Variants in GCNT3 observed in about 807,000 individuals in gnomAD.
GCNT3 encodes beta-1,3-galactosyl-O-glycosyl-glycoprotein beta-1,6-N-acetylglucosaminyltransferase 3.
For missense variants in GCNT3, 708 were observed against 530.3 expected, an observed-to-expected ratio of 1.34 and a Z score of -3.29; for synonymous variants, 269 against 195.2, an observed-to-expected ratio of 1.38 and a Z score of -3.15.
intron 1 of GCNT3, among the ~76,000 whole-genome samples, chr15:59,614,457 A>C (rs557363941): frequency 6.6e-6 from 1 of 151,570 alleles, no homozygotes; most frequent in Admixed American, 6.6e-5. Context: ...TAGACATAGC[A>C]GCCCTGAGGG....
In GCNT3 at chr15:59,620,776, T is replaced by C. The variant is rs1410759234; in HGVS notation, c.*1221T>C. Reference sequence around the variant, plus strand: ...TTTTGTAGGGGGAGAGTCTGCACTATTAATAATTGTATTGAGAAATAAAAA... The same window carrying C: ...TTTTGTAGGGGGAGAGTCTGCACTACTAATAATTGTATTGAGAAATAAAAA... On this transcript the variant is annotated 3_prime_UTR_variant, in exon 3 of 3. Transcript: ENST00000396065. 1 of 166,572 alleles carries C rather than the reference T, an allele frequency of 6.0e-6. No homozygotes were observed. Among genetic ancestry groups the C allele is most frequent in the East Asian group, 1.9e-4 (1 of 5,170 alleles). The allele number at this position is 166,572 out of a possible 1,614,324, so 10.3% of individuals were successfully genotyped here.
intron 2 of GCNT3, among the ~76,000 whole-genome samples, chr15:59,617,650 T>C (rs987939452): frequency 9.2e-5 from 14 of 152,244 alleles, no homozygotes; most frequent in African/African-American, 2.7e-4. Flanking sequence ...TTTTAAAAAG[T>C]GTGGCTAGAT....
intron 1 of GCNT3, among the ~76,000 whole-genome samples, chr15:59,615,747 G>A (rs548288161): frequency 7.2e-4 from 109 of 151,564 alleles, no homozygotes; most frequent in Non-Finnish European, 4.4e-4. Flanking sequence ...AATTATCTCC[G>A]CATGGTGGTG....
In GCNT3 at chr15:59,617,176, TTC is replaced by T. The variant is rs1206839075; in HGVS notation, c.-61+297_-61+298del. ...TTTATTTTTCTTTTGTTTTCTTTCTTTCTTTTTTTTTTTTTAAAGGGGCTTCC... is the reference window on the plus strand; with the variant it reads ...TTTATTTTTCTTTTGTTTTCTTTCTTTTTTTTTTTTTTTAAAGGGGCTTCC... On this transcript the variant is annotated intron_variant, in intron 2 of 2. Transcript: ENST00000396065. Among the ~76,000 whole-genome samples, 5 of 143,532 alleles carry T rather than the reference TTC, an allele frequency of 3.5e-5. 1 individual carries two copies. Among genetic ancestry groups the T allele is most frequent in the Admixed American group, 1.4e-4 (2 of 14,438 alleles). 94.2% of individuals were successfully genotyped at this position (143,532 alleles called of 152,430 possible). A position where few individuals can be genotyped will look rare whatever the true frequency, so the allele number is the denominator to read the frequency against.
At chr15:59,617,551 A>C (rs2082725561) in intron 2 of GCNT3, among the ~76,000 whole-genome samples, 1 of 152,216 alleles carries the variant, frequency 6.6e-6, no homozygotes. Context: ...GCTTGTGTGC[A>C]AGTATATTTT....
In GCNT3 at chr15:59,622,139, C is replaced by T. The variant is rs1261702693; in HGVS notation, c.*2584C>T. 6.6e-6 allele frequency: 1 copy of T among 151,418 alleles called. No homozygotes were observed. The highest frequency in any genetic ancestry group is 1.5e-5 in the Non-Finnish European group (1 of 67,868). 9.4% of individuals were successfully genotyped at this position (151,418 alleles called of 1,614,324 possible). On this transcript the variant is annotated 3_prime_UTR_variant, in exon 3 of 3. Coordinates refer to ENST00000396065, the MANE Select transcript of GCNT3 (RefSeq NM_004751.3). The stretch of plus-strand genomic sequence containing the variant: ...ATCAGCCTGGCCAACATGGTGAATC[C>T]CCATCTCTACTAAAAATATAAAAAT...
rs1489883992 is a variant in GCNT3 at position 59,616,859 on chromosome 15, A to T, written c.-83A>T. ...CACGCCTTGTGAAGAGATCATCCCT[A>T]AGCAGGAGAGAAGCTACTAAAGGTG... On this transcript the variant is annotated 5_prime_UTR_variant, in exon 2 of 3. Coordinates refer to ENST00000396065, the MANE Select transcript of GCNT3 (RefSeq NM_004751.3). 1 of 152,276 alleles carries T rather than the reference A, an allele frequency of 6.6e-6. No homozygotes were observed. The highest frequency in any genetic ancestry group is 1.9e-4 in the East Asian group (1 of 5,186). 9.4% of individuals were successfully genotyped at this position (152,276 alleles called of 1,614,324 possible). A position where few individuals can be genotyped will look rare whatever the true frequency, so the allele number is the denominator to read the frequency against.
In GCNT3 at chr15:59,621,244, C is replaced by T. The variant is rs1890925141; in HGVS notation, c.*1689C>T. The T allele has an allele frequency of 6.6e-6, 1 of 152,022 alleles. No individual in the cohort carries two copies. The highest frequency in any genetic ancestry group is 6.6e-5 in the Admixed American group (1 of 15,252). 9.4% of individuals were successfully genotyped at this position (152,022 alleles called of 1,614,324 possible). Reference sequence around the variant, plus strand: ...AATGGAAGGATCGCTATTAGTGATTCTGCAGATTACACATTTCCTTGCGGG... The same window carrying T: ...AATGGAAGGATCGCTATTAGTGATTTTGCAGATTACACATTTCCTTGCGGG... On this transcript the variant is annotated 3_prime_UTR_variant, in exon 3 of 3. Transcript: ENST00000396065.
At chr15:59,616,389 G>C (rs1396134002) in intron 1 of GCNT3, 3 of 152,182 alleles carry the variant, frequency 2.0e-5, no homozygotes, top group African/African-American at 7.2e-5. Flanking sequence ...AACAAAAGAA[G>C]GGAGGGGCAT....
In GCNT3 at chr15:59,622,156, T is replaced by C. The variant is rs183559603; in HGVS notation, c.*2601T>C. 2.0e-5 allele frequency: 3 copies of C among 151,646 alleles called. No individual in the cohort carries two copies. Among genetic ancestry groups the C allele is most frequent in the African/African-American group, 7.2e-5 (3 of 41,380 alleles). 9.4% of individuals were successfully genotyped at this position (151,646 alleles called of 1,614,324 possible). On this transcript the variant is annotated 3_prime_UTR_variant, in exon 3 of 3. Transcript: ENST00000396065. ...GGTGAATCCCCATCTCTACTAAAAA[T>C]ATAAAAATTAGCCAGACATGGTGGT... is the stretch of plus-strand genomic sequence containing the variant.
Position 59,619,478 on chromosome 15 carries a change from C to G in GCNT3, c.1240C>G (p.Pro414Ala). The part of the protein sequence containing the change: ...NHHLLANKFD[P>A]KVDDNALQCL... ...TCACCTGTTGGCCAACAAGTTTGACCCAAAGGTAGATGATAATGCTCTTCA... is the reference window on the plus strand; with the variant it reads ...TCACCTGTTGGCCAACAAGTTTGACGCAAAGGTAGATGATAATGCTCTTCA... Residue 414 changes from proline to alanine, a missense_variant, in exon 3 of 3, where the codon CCA (proline) becomes GCA (alanine). Coordinates refer to ENST00000396065, the MANE Select transcript of GCNT3 (RefSeq NM_004751.3). The G allele has an allele frequency of 1.2e-6, 2 of 1,613,948 alleles. No homozygotes were observed. Among genetic ancestry groups the G allele is most frequent in the Non-Finnish European group, 1.7e-6 (2 of 1,179,926 alleles).
At chr15:59,613,157 G>A (rs1044897322) in intron 1 of GCNT3, among the ~76,000 whole-genome samples, 3 of 151,946 alleles carry the variant, frequency 2.0e-5, no homozygotes, top group Non-Finnish European at 1.5e-5. Context: ...ATTAGCATTA[G>A]CTTCTATTAT....
At chr15:59,614,696 G>A (rs958953615) in intron 1 of GCNT3, among the ~76,000 whole-genome samples, 2 of 152,124 alleles carry the variant, frequency 1.3e-5, no homozygotes, top group Non-Finnish European at 2.9e-5. Flanking sequence ...ACTACAATCT[G>A]TTTTATCAGC....
At position 59,619,546 on chromosome 15, in the gene GCNT3, T is replaced by G. The variant is rs760459426; in HGVS notation, c.1308T>G (p.Thr436=). ...TACGTTATAAGGCCATCTATGGGAC[T>G]GAACTTTGAGACACACTATGAGAGC... ...EYLRYKAIYG[T]EL is the part of the protein sequence containing the mutation. The change falls in exon 3 of 3, where the codon ACT becomes ACG. Residue 436 remains threonine (T), a synonymous_variant. Coordinates refer to ENST00000396065, the MANE Select transcript of GCNT3 (RefSeq NM_004751.3). 1 of 1,582,096 alleles carries G rather than the reference T, an allele frequency of 6.3e-7. No individual in the cohort carries two copies. Among genetic ancestry groups the G allele is most frequent in the South Asian group, 1.1e-5 (1 of 87,644 alleles).
In GCNT3 at chr15:59,618,764, G is replaced by C. The variant is rs537114592; in HGVS notation, c.526G>C (p.Val176Leu). ...GTCCCCAGAAACTTTCAAAGAGGCG[G>C]TCAAAGCAATTATTTCTTGCTTCCC... Reference protein sequence around the residue: ...EKSPETFKEAVKAIISCFPNV... With the variant: ...EKSPETFKEALKAIISCFPNV... Residue 176 changes from valine to leucine, a missense_variant, in exon 3 of 3, where the codon GTC (valine) becomes CTC (leucine). Transcript: ENST00000396065. 1.9e-6 allele frequency: 3 copies of C among 1,614,194 alleles called. No homozygotes were observed. Among genetic ancestry groups the C allele is most frequent in the South Asian group, 1.1e-5 (1 of 91,084 alleles).
Position 59,620,594 on chromosome 15 carries a change from C to A in GCNT3, c.*1039C>A, listed in dbSNP as rs943579537. On this transcript the variant is annotated 3_prime_UTR_variant, in exon 3 of 3. Transcript: ENST00000396065. Reference sequence around the variant, plus strand: ...TAAAGGAAAAGGCAGGGTGATTTAACCAGTTTGACCACCTTTCCTGTACTC... The same window carrying A: ...TAAAGGAAAAGGCAGGGTGATTTAAACAGTTTGACCACCTTTCCTGTACTC... The A allele has an allele frequency of 1.8e-5, 3 of 167,008 alleles. No homozygotes were observed. The Admixed American group carries it at 2.0e-4, about 11-fold the overall frequency. The allele number at this position is 167,008 out of a possible 1,614,324, so 10.3% of individuals were successfully genotyped here.
Position 59,621,276 on chromosome 15 carries a change from A to G in GCNT3, c.*1721A>G, listed in dbSNP as rs771238115. ...TTACACATTTCCTTGCGGGGAGACA[A>G]TAAGGTATGTGTAAATACATATATG... On this transcript the variant is annotated 3_prime_UTR_variant, in exon 3 of 3. Transcript: ENST00000396065. The G allele has an allele frequency of 1.3e-5, 2 of 152,104 alleles. No individual in the cohort carries two copies. Among genetic ancestry groups the G allele is most frequent in the Non-Finnish European group, 2.9e-5 (2 of 68,008 alleles). The allele number at this position is 152,104 out of a possible 1,614,324, so 9.4% of individuals were successfully genotyped here.
At chr15:59,616,061 A>G (rs1022877881) in intron 1 of GCNT3, among the ~76,000 whole-genome samples, 4 of 152,224 alleles carry the variant, frequency 2.6e-5, no homozygotes, top group South Asian at 4.1e-4. Context: ...CTGAAGTCCA[A>G]CAGCCCATAG....
At position 59,621,585 on chromosome 15, in the gene GCNT3, G is replaced by GTTTTTTTTT. The variant is rs1566910301; in HGVS notation, c.*2030_*2031insTTTTTTTTT. 1 of 11,404 alleles carries GTTTTTTTTT rather than the reference G, an allele frequency of 8.8e-5. No homozygotes were observed. Among genetic ancestry groups the GTTTTTTTTT allele is most frequent in the Non-Finnish European group, 1.7e-4 (1 of 5,748 alleles). 0.7% of individuals were successfully genotyped at this position (11,404 alleles called of 1,614,324 possible). On this transcript the variant is annotated 3_prime_UTR_variant, in exon 3 of 3. Transcript: ENST00000396065. The stretch of plus-strand genomic sequence containing the variant: ...GTCATTAATATGTTTCTTCCTTTCT[G>GTTTTTTTTT]ATTTTTGTTTTTTTTTTTTTTTTTG...
Sources: gnomAD v4.1 joint callset for allele counts (sites outside exome capture counted in the v4.1 genomes callset) on GRCh38, gnomAD v4.1.1 for gene constraint, MANE v1.5 for transcripts, NCBI Gene and HGNC (gene_info 2026-07-23, HGNC 2026-07-21) for gene names.